Variants in SMG1 observed in about 807,000 individuals in gnomAD.
SMG1 encodes the protein SMG1 nonsense mediated mRNA decay associated PI3K related kinase.
A neutral mutation model predicts 419.9 loss-of-function variants in SMG1; 22 were observed. The observed-to-expected ratio is 0.05, with a 90% CI of 0.04 to 0.07. SMG1 has a LOEUF of 0.07. SMG1 is among the 10% of genes least tolerant of loss of function. The pLI, the probability that SMG1 is intolerant of heterozygous loss-of-function variation, is 1.00. For synonymous variants in SMG1, 1,538 were observed against 1,553.5 expected (o/e 0.99, Z 0.23); for missense variants, 3,185 against 4,342.0 (o/e 0.73, Z 7.49).
chr16:18,840,695 T>C lies in SMG1; in HGVS notation c.6697-749A>G, dbSNP rs185027578. 6.9e-4 allele frequency among the ~76,000 whole-genome samples: 105 copies of C among 152,342 alleles called. No homozygotes were observed. In the East Asian group the frequency reaches 7.3e-3, roughly 11 times the overall value. On this transcript the variant is annotated intron_variant, in intron 41 of 62. Transcript: ENST00000446231. Reference sequence around the variant, plus strand: ...GGATGCCATGGTGATTAATTCCAAATTTAAAGTTGCTTCTTATTTACATAC... The same window carrying C: ...GGATGCCATGGTGATTAATTCCAAACTTAAAGTTGCTTCTTATTTACATAC...
intron 39 of SMG1, among the ~76,000 whole-genome samples, chr16:18,843,453 T>C (rs2034042212): frequency 2.0e-5 from 3 of 152,326 alleles, no homozygotes; most frequent in South Asian, 4.1e-4. Flanking sequence ...CTCAATAATA[T>C]GCACCCAAAT....
chr16:18,897,672 G>A (rs868544927), intron 1 of SMG1, among the ~76,000 whole-genome samples: 2 of 152,194 alleles, frequency 1.3e-5, no homozygotes, highest in Non-Finnish European at 1.5e-5. Flanking sequence ...AACAAGTAGG[G>A]TACAGCCAAG....
chr16:18,882,407 A>G (rs1389559925), intron 9 of SMG1, 69 bp from the exon 10 acceptor site: 1 of 836,202 alleles, frequency 1.2e-6, no homozygotes, highest in Non-Finnish European at 1.7e-6. Context: ...AAAAACTCTA[A>G]AATATTTCAA....
At chr16:18,925,785 C>T (rs71382585) in intron 1 of SMG1, 165 bp downstream of exon 1, 47,115 of 502,434 alleles carry the variant, frequency 0.094, 2,410 homozygotes, top group Middle Eastern at 0.15. Context: ...CTCGCCTCCC[C>T]GCGGCCTTCC....
At chr16:18,920,445 T>C (rs1214552101) in intron 1 of SMG1, among the ~76,000 whole-genome samples, 1 of 150,610 alleles carries the variant, frequency 6.6e-6, no homozygotes, top group Non-Finnish European at 1.5e-5. Context: ...AATTACTAAG[T>C]GTTTCATAAG....
rs374458531 is a variant in SMG1 at position 18,807,687 on chromosome 16, C to T, written c.*1882G>A. The T allele has an allele frequency of 9.9e-5, 15 of 152,082 alleles. 1 individual carries two copies. The South Asian group carries it at 1.0e-3, about 10-fold the overall frequency. 9.4% of individuals were successfully genotyped at this position (152,082 alleles called of 1,614,324 possible). ...TACCTTTCAAGTTTGTCTGTGAAGA[C>T]GGCAACTAGAAAGTGACCACTGTCC... On this transcript the variant is annotated 3_prime_UTR_variant, in exon 63 of 63. Transcript: ENST00000446231.
chr16:18,871,247 A>G, intron 16 of SMG1, 117 bp downstream of exon 16: 1 of 557,108 alleles, frequency 1.8e-6, no homozygotes, highest in East Asian at 3.0e-5. Context: ...CATTAAAATG[A>G]GGATTACACA....
At chr16:18,864,672 T>C (rs2035402054) in intron 23 of SMG1, among the ~76,000 whole-genome samples, 1 of 152,090 alleles carries the variant, frequency 6.6e-6, no homozygotes, top group Non-Finnish European at 1.5e-5. Flanking sequence ...AAACAAGGTT[T>C]TGCTATGTTG....
At chr16:18,875,106 G>C (rs1304856688) in intron 13 of SMG1, 1 of 152,338 alleles carries the variant, frequency 6.6e-6, no homozygotes, top group Non-Finnish European at 1.5e-5. Context: ...TCTATTCATA[G>C]CCTGAAGGTC....
chr16:18,829,406 C>A lies in SMG1; in HGVS notation c.9483G>T (p.Val3161=), dbSNP rs1413269986. The part of the protein sequence containing the change: ...FSQLVMNRAT[V]LASSYDTAWK... Reference sequence around the variant, plus strand: ...AGGCAGTGTCGTAAGAACTTGCTAACACAGTTGCCCTGTTCATAACCAGCT... The same window carrying A: ...AGGCAGTGTCGTAAGAACTTGCTAAAACAGTTGCCCTGTTCATAACCAGCT... The change falls in exon 54 of 63, where the codon GTG becomes GTT. Residue 3161 remains valine, a synonymous_variant. Coordinates refer to ENST00000446231, the MANE Select transcript of SMG1 (RefSeq NM_015092.5). 1 of 1,613,902 alleles carries A rather than the reference C, an allele frequency of 6.2e-7. No individual in the cohort carries two copies. The highest frequency in any genetic ancestry group is 8.5e-7 in the Non-Finnish European group (1 of 1,179,902).
chr16:18,913,991 AC>A (rs1252548014), intron 1 of SMG1, among the ~76,000 whole-genome samples: 1 of 152,054 alleles, frequency 6.6e-6, no homozygotes, highest in Non-Finnish European at 1.5e-5. Flanking sequence ...ACACAGTGAA[AC>A]CCTGTCTCTA....
At chr16:18,892,669 G>A (rs2036936926) in intron 3 of SMG1, among the ~76,000 whole-genome samples, 1 of 152,082 alleles carries the variant, frequency 6.6e-6, no homozygotes, top group African/African-American at 2.4e-5. Context: ...TGAGGCGGAG[G>A]TTGCAGTGAG....
Position 18,809,187 on chromosome 16 carries a change from C to G in SMG1, c.*382G>C, listed in dbSNP as rs1436791294. The G allele has an allele frequency of 5.9e-6, 1 of 170,102 alleles. No homozygotes were observed. 10.5% of individuals were successfully genotyped at this position (170,102 alleles called of 1,614,324 possible). ...GTTTCTGAGTGGGGTTTGTTTTTTT[C>G]CTGGATTGTACACACAGGGTCAGGT... is the stretch of plus-strand genomic sequence containing the variant. On this transcript the variant is annotated 3_prime_UTR_variant, in exon 63 of 63. Transcript: ENST00000446231.
At chr16:18,831,610 G>C (rs374357461) in intron 51 of SMG1, among the ~76,000 whole-genome samples, 2 of 150,496 alleles carry the variant, frequency 1.3e-5, no homozygotes, top group African/African-American at 4.9e-5. Context: ...ACTTTTTCTA[G>C]CCGGGCATGG....
chr16:18,839,794 T>C lies in SMG1; in HGVS notation c.6849A>G (p.Val2283=), dbSNP rs149518546. 1.2e-6 allele frequency: 2 copies of C among 1,613,938 alleles called. No individual in the cohort carries two copies. Among genetic ancestry groups the C allele is most frequent in the Non-Finnish European group, 1.7e-6 (2 of 1,179,878 alleles). ...GTGTGGCCTCCATTAACTCTTCCAATACTGCCTTCATTACATGAAGAGGCC... is the reference window on the plus strand; with the variant it reads ...GTGTGGCCTCCATTAACTCTTCCAACACTGCCTTCATTACATGAAGAGGCC... The part of the protein sequence containing the change: ...RDWPLHVMKA[V]LEELMEATPP... Residue 2283 remains valine, a synonymous_variant, in exon 42 of 63, where the codon GTA becomes GTG. Coordinates refer to ENST00000446231, the MANE Select transcript of SMG1 (RefSeq NM_015092.5).
chr16:18,916,501 G>C (rs1596659367), intron 1 of SMG1, among the ~76,000 whole-genome samples: 1 of 120,028 alleles, frequency 8.3e-6, no homozygotes, highest in East Asian at 2.8e-4. Context: ...GGGCGACGGT[G>C]AGACTCCATC....
intron 3 of SMG1, 97 bp downstream of exon 3, chr16:18,895,955 A>C (rs949326600): frequency 1.2e-4 from 137 of 1,134,356 alleles, no homozygotes; most frequent in Middle Eastern, 1.1e-3. Flanking sequence ...TAATCAACTT[A>C]TGCCTGTGCA....
intron 28 of SMG1, 30 bp downstream of exon 28, chr16:18,858,992 A>T (rs1273932960): frequency 2.9e-6 from 4 of 1,372,434 alleles, no homozygotes; most frequent in Admixed American, 2.5e-5. Context: ...ATTAATAGTC[A>T]TAAGAGTGTG....
At position 18,836,063 on chromosome 16, in the gene SMG1, G is replaced by A. The variant is rs745718771; in HGVS notation, c.7927C>T (p.His2643Tyr). ...TACTGCAGGGCCACGGTTGCATAGT[G>A]ATGCAGTTGCTCCAGACAGCCACGG... ...VLRGCLEQLH[H>Y]YATVALQYPK... is the part of the protein sequence containing the mutation. The change falls in exon 48 of 63, where the codon CAC becomes TAC. Residue 2643 changes from histidine to tyrosine, a missense_variant. Physicochemically the swap from His to Tyr is moderately conservative, Grantham distance 83. Coordinates refer to ENST00000446231, the MANE Select transcript of SMG1 (RefSeq NM_015092.5). The A allele has an allele frequency of 2.5e-6, 4 of 1,605,004 alleles. No homozygotes were observed. Among genetic ancestry groups the A allele is most frequent in the Non-Finnish European group, 3.4e-6 (4 of 1,175,772 alleles).
Sources: gnomAD v4.1 joint callset for allele counts (sites outside exome capture counted in the v4.1 genomes callset) on GRCh38, gnomAD v4.1.1 for gene constraint, MANE v1.5 for transcripts, NCBI Gene and HGNC (gene_info 2026-07-23, HGNC 2026-07-21) for gene names.